TNNI3K: variants seen among roughly 807,000 people sequenced by gnomAD.
TNNI3K encodes the protein TNNI3 interacting kinase, also known as serine/threonine-protein kinase TNNI3K.
Under a neutral mutation model 114.5 loss-of-function variants are expected in TNNI3K, and 140 were observed. That is an observed-to-expected ratio of 1.22 (90% CI 1.07 to 1.41). The LOEUF (loss-of-function observed/expected upper bound fraction) is 1.41. Among genes scored for constraint, TNNI3K ranks in the 40% most tolerant of loss-of-function variants. The pLI is 0.00. For synonymous variants in TNNI3K, 347 were observed against 347.5 expected, an observed-to-expected ratio of 1.00 and a Z score of 0.02; for missense variants, 1,125 against 1,007.6, an observed-to-expected ratio of 1.12 and a Z score of -1.58.
chr1:74,491,464 T>A (rs1391818014), intron 22 of TNNI3K, among the ~76,000 whole-genome samples: 1 of 152,086 alleles, frequency 6.6e-6, no homozygotes, highest in Non-Finnish European at 1.5e-5. Context: ...ATGGTGTCGA[T>A]CTCTTGACCT....
At chr1:74,411,937 T>G (rs1216256951) in intron 17 of TNNI3K, among the ~76,000 whole-genome samples, 1 of 152,072 alleles carries the variant, frequency 6.6e-6, no homozygotes, top group Non-Finnish European at 1.5e-5. Flanking sequence ...TGTTTGTTAT[T>G]AAGAAATATA....
At chr1:74,356,670 G>T (rs1468825943) in intron 11 of TNNI3K, among the ~76,000 whole-genome samples, 3 of 152,162 alleles carry the variant, frequency 2.0e-5, no homozygotes, top group Non-Finnish European at 4.4e-5. Context: ...TTAGCTGATT[G>T]AGAGTGATAG....
intron 17 of TNNI3K, among the ~76,000 whole-genome samples, chr1:74,388,032 C>T (rs1247531998): frequency 6.6e-6 from 1 of 152,164 alleles, no homozygotes; most frequent in Non-Finnish European, 1.5e-5. Context: ...ATAATCCCAG[C>T]ACTTTGGGAA....
intron 5 of TNNI3K, among the ~76,000 whole-genome samples, chr1:74,290,277 T>G (rs1250158718): frequency 6.6e-6 from 1 of 151,542 alleles, no homozygotes; most frequent in Non-Finnish European, 1.5e-5. Context: ...AATGCCTAAT[T>G]TAGGTAACTA....
chr1:74,296,132 CG>C (rs1456974685), intron 5 of TNNI3K, among the ~76,000 whole-genome samples: 3 of 151,894 alleles, frequency 2.0e-5, no homozygotes. Flanking sequence ...AAAAATTAGC[CG>C]GGCGAGGCGG....
intron 23 of TNNI3K, among the ~76,000 whole-genome samples, chr1:74,511,639 G>A (rs1261930611): frequency 6.6e-6 from 1 of 152,028 alleles, no homozygotes; most frequent in African/African-American, 2.4e-5. Context: ...ATGGATTAGA[G>A]ATCTCTTCAG....
At chr1:74,503,047 T>G (rs950135840) in intron 23 of TNNI3K, among the ~76,000 whole-genome samples, 1 of 152,220 alleles carries the variant, frequency 6.6e-6, no homozygotes, top group African/African-American at 2.4e-5. Context: ...GAGTACACTG[T>G]AAAATTAGGC....
chr1:74,257,430 A>G (rs12091478), intron 4 of TNNI3K, among the ~76,000 whole-genome samples: 321 of 152,170 alleles, frequency 2.1e-3, no homozygotes, highest in African/African-American at 7.1e-3. Context: ...CTGTTTCTTC[A>G]TATATCAATT....
At chr1:74,397,864 G>A (rs1258270577) in intron 17 of TNNI3K, among the ~76,000 whole-genome samples, 2 of 152,186 alleles carry the variant, frequency 1.3e-5, no homozygotes, top group African/African-American at 4.8e-5. Context: ...CCAAACCTCT[G>A]AATTATGTAG....
rs559397165 is a variant in TNNI3K at position 74,310,573 on chromosome 1, C to T, written c.445-20877C>T. On this transcript the variant is annotated intron_variant, in intron 5 of 24. Coordinates refer to ENST00000326637, the MANE Select transcript of TNNI3K (RefSeq NM_015978.3). Reference sequence around the variant, plus strand: ...CATGACCCAACTCCAAACTATACTACAAGCCTACAGTAACTAAAATAGTTT... The same window carrying T: ...CATGACCCAACTCCAAACTATACTATAAGCCTACAGTAACTAAAATAGTTT... 2.6e-5 allele frequency among the ~76,000 whole-genome samples: 4 copies of T among 152,286 alleles called. No individual in the cohort carries two copies. In the South Asian group the frequency reaches 6.2e-4, roughly 24 times the overall value.
chr1:74,293,951 T>C (rs1348366781), intron 5 of TNNI3K, among the ~76,000 whole-genome samples: 2 of 151,812 alleles, frequency 1.3e-5, no homozygotes, highest in Non-Finnish European at 1.5e-5. Context: ...GAGATCATTA[T>C]GTAATTTTCT....
intron 17 of TNNI3K, among the ~76,000 whole-genome samples, chr1:74,416,093 C>T (rs888337950): frequency 1.3e-5 from 2 of 152,154 alleles, no homozygotes; most frequent in South Asian, 2.1e-4. Flanking sequence ...AGGTGCTGTA[C>T]GTGGGAGTCA....
chr1:74,387,177 A>G (rs1441656189), intron 17 of TNNI3K, among the ~76,000 whole-genome samples: 1 of 152,200 alleles, frequency 6.6e-6, no homozygotes, highest in Non-Finnish European at 1.5e-5. Flanking sequence ...ACAATTTATG[A>G]TACATGTTTT....
Position 74,343,086 on chromosome 1 carries a change from A to G in TNNI3K, c.839A>G (p.Asn280Ser), listed in dbSNP as rs752154654. Reference sequence around the variant, plus strand: ...TTCTTCAAATCTAGGGCATGCTACAATGGCAAATTTGAAGTTGCCAAGGAA... The same window carrying G: ...TTCTTCAAATCTAGGGCATGCTACAGTGGCAAATTTGAAGTTGCCAAGGAA... ...GDTPLHLACYNGKFEVAKEII... is the reference protein window; with the variant it reads ...GDTPLHLACYSGKFEVAKEII... The change falls in exon 9 of 25, where the codon AAT (asparagine) becomes AGT (serine). Residue 280 changes from asparagine to serine, a missense_variant. Transcript: ENST00000326637. 2.5e-6 allele frequency: 4 copies of G among 1,613,492 alleles called. No homozygotes were observed. Among genetic ancestry groups the G allele is most frequent in the East Asian group, 4.5e-5 (2 of 44,860 alleles).
chr1:74,478,020 A>T (rs1234229080), intron 21 of TNNI3K, among the ~76,000 whole-genome samples: 1 of 152,246 alleles, frequency 6.6e-6, no homozygotes, highest in Non-Finnish European at 1.5e-5. Context: ...TTTTAAATTT[A>T]CAAATATAGC....
At chr1:74,475,116 C>CCACACACA (rs3058791) in intron 21 of TNNI3K, among the ~76,000 whole-genome samples, 3,184 of 135,928 alleles carry the variant, frequency 0.023, 66 homozygotes, top group East Asian at 0.05. Flanking sequence ...CCACCTCAGC[C>CCACACACA]CACACACACA....
chr1:74,443,836 G>A (rs902040176), intron 20 of TNNI3K, among the ~76,000 whole-genome samples: 1 of 152,172 alleles, frequency 6.6e-6, no homozygotes, highest in African/African-American at 2.4e-5. Flanking sequence ...TCATCCCCAC[G>A]ATGTAAGGCT....
At chr1:74,336,444 C>T (rs943603060) in intron 7 of TNNI3K, among the ~76,000 whole-genome samples, 24 of 152,042 alleles carry the variant, frequency 1.6e-4, no homozygotes, top group Non-Finnish European at 3.1e-4. Flanking sequence ...TGGTGCGCTG[C>T]ACCCACTAAC....
intron 17 of TNNI3K, among the ~76,000 whole-genome samples, chr1:74,416,923 A>G (rs1665145296): frequency 6.6e-6 from 1 of 151,790 alleles, no homozygotes; most frequent in South Asian, 2.1e-4. Flanking sequence ...ATTTCCTCCC[A>G]TTGTTTTTAG....
Sources: gnomAD v4.1 joint callset for allele counts (sites outside exome capture counted in the v4.1 genomes callset) on GRCh38, gnomAD v4.1.1 for gene constraint, MANE v1.5 for transcripts, NCBI Gene and HGNC (gene_info 2026-07-23, HGNC 2026-07-21) for gene names.